DST: variants seen among roughly 807,000 people sequenced by gnomAD.
The protein encoded by DST is bullous pemphigoid antigen.
A neutral mutation model predicts 875.2 loss-of-function variants in DST; 253 were observed. The observed-to-expected ratio is 0.29, with a 90% CI of 0.26 to 0.32. The LOEUF (loss-of-function observed/expected upper bound fraction) is 0.32. Among genes scored for constraint, DST ranks in the 10% least tolerant of loss-of-function variants. DST has a pLI of 1.00. For synonymous variants in DST, 3,124 were observed against 3,197.1 expected, an observed-to-expected ratio of 0.98 and a Z score of 0.77; for missense variants, 8,287 against 9,111.6, an observed-to-expected ratio of 0.91 and a Z score of 3.68.
At chr6:56,773,767 C>T (rs566773393) in intron 4 of DST, among the ~76,000 whole-genome samples, 2 of 152,302 alleles carry the variant, frequency 1.3e-5, no homozygotes, top group South Asian at 4.1e-4. Flanking sequence ...TATCTACCAT[C>T]TGGACTCAGC....
chr6:56,516,170 A>G (rs1433907815), intron 71 of DST, among the ~76,000 whole-genome samples: 1 of 136,800 alleles, frequency 7.3e-6, no homozygotes. Context: ...AGAAAGAGAA[A>G]GAGAAAGAAA....
chr6:56,517,626 C>T lies in DST; in HGVS notation c.18130-6G>A, dbSNP rs756458733. 1.2e-6 allele frequency: 2 copies of T among 1,610,938 alleles called. No individual in the cohort carries two copies. Among genetic ancestry groups the T allele is most frequent in the African/African-American group, 1.3e-5 (1 of 74,936 alleles). The stretch of plus-strand genomic sequence containing the variant: ...GCATCAGCTGCTTGGTCAAACTAAA[C>T]AAAAGATAAATAATTAGGTCAGCAC... On this transcript the variant is annotated splice_region_variant and splice_polypyrimidine_tract_variant and intron_variant, in intron 69 of 103. Coordinates refer to ENST00000680361, the MANE Select transcript of DST (RefSeq NM_001374736.1).
In DST at chr6:56,634,953, C is replaced by G. The variant is rs768295999; in HGVS notation, c.3187G>C (p.Glu1063Gln). Residue 1063 changes from glutamate to glutamine, a missense_variant and splice_region_variant, in exon 25 of 104, where the codon GAA becomes CAA. Physicochemically the swap from Glu to Gln is conservative, Grantham distance 29. This residue lies in a region of DST where 1,160 missense variants were observed against 1,424.3 expected (regional missense o/e 0.81). Transcript: ENST00000680361. Reference sequence around the variant, plus strand: ...TACTGCAGAAGTTCTTCTTTCTCTTCCTAAGTAATAAATACAGTGAATTTT... The same window carrying G: ...TACTGCAGAAGTTCTTCTTTCTCTTGCTAAGTAATAAATACAGTGAATTTT... ...KLEDLVQESM[E>Q]EKEELLQYKS... The G allele has an allele frequency of 6.2e-7, 1 of 1,609,882 alleles. No individual in the cohort carries two copies. The highest frequency in any genetic ancestry group is 2.2e-5 in the East Asian group (1 of 44,832).
At chr6:56,540,877 A>C (rs1434953348) in intron 61 of DST, 3 of 152,626 alleles carry the variant, frequency 2.0e-5, no homozygotes, top group Non-Finnish European at 4.4e-5. Flanking sequence ...CGCTAATGGA[A>C]TTAACAGAAA....
chr6:56,685,826 G>A (rs943662556), intron 9 of DST, among the ~76,000 whole-genome samples: 7 of 152,150 alleles, frequency 4.6e-5, no homozygotes, highest in Admixed American at 4.6e-4. Context: ...AAAAAGGGAT[G>A]CTTATACACT....
chr6:56,810,320 T>C (rs1256533300), intron 4 of DST, among the ~76,000 whole-genome samples: 1 of 152,082 alleles, frequency 6.6e-6, no homozygotes, highest in African/African-American at 2.4e-5. Flanking sequence ...CTTAAAAATA[T>C]ATGTATTATA....
intron 36 of DST, chr6:56,616,416 T>C: frequency 6.2e-7 from 1 of 1,614,002 alleles, no homozygotes; most frequent in Non-Finnish European, 8.5e-7. Flanking sequence ...TCATACACGG[T>C]CAATTCTGAT....
chr6:56,901,255 A>C (rs905471518), intron 2 of DST, among the ~76,000 whole-genome samples: 1 of 152,266 alleles, frequency 6.6e-6, no homozygotes, highest in African/African-American at 2.4e-5. Flanking sequence ...TACAAAATGT[A>C]TAACATTCCA....
intron 29 of DST, 135 bp from the exon 30 acceptor site, chr6:56,631,524 A>G: frequency 1.3e-6 from 1 of 750,814 alleles, no homozygotes; most frequent in Non-Finnish European, 2.2e-6. Flanking sequence ...GTTTGTTATC[A>G]AAGAAACTAC....
At chr6:56,585,548 C>T (rs1428462638) in intron 49 of DST, among the ~76,000 whole-genome samples, 1 of 152,060 alleles carries the variant, frequency 6.6e-6, no homozygotes, top group African/African-American at 2.4e-5. Flanking sequence ...AAAACCAGCT[C>T]CTGGATTCAT....
At chr6:56,889,015 A>T (rs1376492967) in intron 3 of DST, among the ~76,000 whole-genome samples, 2 of 152,146 alleles carry the variant, frequency 1.3e-5, no homozygotes, top group Non-Finnish European at 2.9e-5. Flanking sequence ...CAAAGTCAAG[A>T]GCTACCTAGA....
intron 9 of DST, among the ~76,000 whole-genome samples, chr6:56,679,614 A>AG (rs1266404734): frequency 6.7e-6 from 1 of 148,914 alleles, no homozygotes; most frequent in Non-Finnish European, 1.5e-5. Flanking sequence ...AAAAAAAAAA[A>AG]AAAAAAATTA....
rs201437391 is a variant in DST, at chr6:56,557,464, T to C, written c.14495A>G (p.Glu4832Gly). ...QLTIDRQQKLEESSNNLTQFQ... is the reference protein window; with the variant it reads ...QLTIDRQQKLGESSNNLTQFQ... ...CTGGGTTAGATTATTGGAGGATTCTTCCAGTTTTTGTTGTCTATCAATTGT... is the reference window on the plus strand; with the variant it reads ...CTGGGTTAGATTATTGGAGGATTCTCCCAGTTTTTGTTGTCTATCAATTGT... Residue 4832 changes from glutamate (E) to glycine (G), a missense_variant, in exon 59 of 104, where the codon GAA becomes GGA. Physicochemically the swap from Glu to Gly is moderately conservative, Grantham distance 98. Coordinates refer to ENST00000680361, the MANE Select transcript of DST (RefSeq NM_001374736.1). 3.5e-4 allele frequency: 563 copies of C among 1,613,694 alleles called. 2 individuals are homozygous for C. In the South Asian group the frequency reaches 4.2e-3, roughly 12 times the overall value.
chr6:56,662,287 C>A (rs2099047545), intron 10 of DST, among the ~76,000 whole-genome samples: 1 of 152,188 alleles, frequency 6.6e-6, no homozygotes, highest in South Asian at 2.1e-4. Flanking sequence ...AGCAATTCCA[C>A]TTCCAGGACC....
At chr6:56,900,357 A>G (rs1793507486) in intron 3 of DST, 64 bp downstream of exon 3, 1 of 1,260,892 alleles carries the variant, frequency 7.9e-7, no homozygotes, top group East Asian at 4.7e-5. Context: ...TTTTAAACTA[A>G]AAGAACAACC....
chr6:56,466,290 T>A (rs766616771), intron 98 of DST, 95 bp from the exon 99 acceptor site: 6 of 806,086 alleles, frequency 7.4e-6, no homozygotes, highest in Non-Finnish European at 1.1e-5. Flanking sequence ...CAACCGACTT[T>A]AATTTCTTGC....
intron 3 of DST, among the ~76,000 whole-genome samples, chr6:56,870,346 C>A (rs1428857653): frequency 6.6e-6 from 1 of 150,638 alleles, no homozygotes; most frequent in Non-Finnish European, 1.5e-5. Flanking sequence ...TAAACCCAGG[C>A]ACTCGAGCCA....
intron 4 of DST, among the ~76,000 whole-genome samples, chr6:56,811,846 G>T (rs1452384611): frequency 2.0e-5 from 3 of 152,042 alleles, no homozygotes; most frequent in African/African-American, 7.2e-5. Flanking sequence ...TGTAATCCCA[G>T]CACTTTGGGA....
Position 56,876,462 on chromosome 6 carries a change from C to T in DST, c.417+23959G>A, listed in dbSNP as rs75190819. Among the ~76,000 whole-genome samples, 796 of 152,322 alleles carry T rather than the reference C, an allele frequency of 5.2e-3. 7 individuals are homozygous for T. The highest frequency in any genetic ancestry group is 0.018 in the African/African-American group (765 of 41,572). On this transcript the variant is annotated intron_variant, in intron 3 of 103. Transcript: ENST00000680361. ...GCTCTCCAGCTCTCTCACTCCTCTT[C>T]AAGCTAATCCAGACCTCTAATGCTC... is the stretch of plus-strand genomic sequence containing the variant.
Sources: allele counts gnomAD v4.1 joint callset (sites outside exome capture counted in the v4.1 genomes callset), GRCh38; gene constraint gnomAD v4.1.1; regional missense constraint gnomAD v4.1.1; transcripts MANE v1.5; gene names NCBI Gene and HGNC (gene_info 2026-07-23, HGNC 2026-07-21).